Variants in NLGN4X observed in about 807,000 individuals in gnomAD.
NLGN4X encodes the protein neuroligin-4, X-linked.
Under a neutral mutation model 40.3 loss-of-function variants are expected in NLGN4X, and 3 were observed. The ratio of observed to expected loss-of-function variants is 0.07; its 90% CI spans 0.03 to 0.19. The LOEUF is 0.19. NLGN4X is among the 10% of genes least tolerant of loss of function. The probability of loss-of-function intolerance (pLI) is 1.00; values close to 1 mark genes in which losing one functional copy is unlikely to be tolerated. For synonymous variants in NLGN4X, 270 were observed against 306.8 expected (o/e 0.88, Z 1.25); for missense variants, 382 against 708.3 (o/e 0.54, Z 5.23).
chrX:6,070,090 C>A lies in NLGN4X; in HGVS notation c.473-40658G>T, dbSNP rs749294315. Among the ~76,000 whole-genome samples the A allele has an allele frequency of 6.4e-4, 71 of 111,189 alleles. 1 individual carries two copies. The highest frequency in any genetic ancestry group is 2.3e-3 in the African/African-American group (69 of 30,533). On this transcript the variant is annotated intron_variant, in intron 2 of 5. Coordinates refer to ENST00000381095, the MANE Select transcript of NLGN4X (RefSeq NM_181332.3). Reference sequence around the variant, plus strand: ...AACATACTAGTTACTGAATTTTCCACTGAAGGAAAATGATGATACACAATT... The same window carrying A: ...AACATACTAGTTACTGAATTTTCCAATGAAGGAAAATGATGATACACAATT...
intron 2 of NLGN4X, among the ~76,000 whole-genome samples, chrX:6,045,559 T>G (rs953794271): frequency 5.4e-5 from 6 of 111,574 alleles, no homozygotes; most frequent in African/African-American, 2.0e-4. Context: ...AGTAGGGTGT[T>G]TTGCTTTGTC....
chrX:6,121,995 A>G (rs745550026), intron 2 of NLGN4X, among the ~76,000 whole-genome samples: 1 of 112,796 alleles, frequency 8.9e-6, no homozygotes, highest in East Asian at 2.8e-4. Flanking sequence ...AATGAAAAGA[A>G]TCAGGCTGGC....
At chrX:6,079,234 CTG>C (rs1443823217) in intron 2 of NLGN4X, among the ~76,000 whole-genome samples, 1 of 111,873 alleles carries the variant, frequency 8.9e-6, no homozygotes, top group African/African-American at 3.3e-5. Context: ...GTTGTTAAGA[CTG>C]TGTGCAGCAT....
intron 1 of NLGN4X, among the ~76,000 whole-genome samples, chrX:6,216,964 AT>A (rs985777962): frequency 2.7e-5 from 3 of 111,093 alleles, no homozygotes; most frequent in Admixed American, 9.6e-5. Context: ...TTATTTTTAA[AT>A]TTTTTTCGTA....
At chrX:6,078,952 T>G (rs758140010) in intron 2 of NLGN4X, among the ~76,000 whole-genome samples, 1 of 111,356 alleles carries the variant, frequency 9.0e-6, no homozygotes, top group African/African-American at 3.3e-5. Flanking sequence ...TCTGATGGTT[T>G]TATATGGGGT....
At chrX:5,974,734 T>C (rs2035125333) in intron 3 of NLGN4X, among the ~76,000 whole-genome samples, 1 of 112,037 alleles carries the variant, frequency 8.9e-6, no homozygotes, top group Non-Finnish European at 1.9e-5. Flanking sequence ...AAAACACAGA[T>C]AGTACTGAAC....
At chrX:5,987,947 C>A (rs148337343) in intron 3 of NLGN4X, among the ~76,000 whole-genome samples, 3 of 111,388 alleles carry the variant, frequency 2.7e-5, no homozygotes, top group African/African-American at 9.8e-5. Flanking sequence ...TATGGTGGTG[C>A]CTAGTTGTAG....
chrX:6,004,028 G>A (rs773700225), intron 3 of NLGN4X, among the ~76,000 whole-genome samples: 7 of 112,713 alleles, frequency 6.2e-5, no homozygotes, highest in African/African-American at 2.3e-4. Flanking sequence ...CAGCCGGCTA[G>A]TTCCAGCACC....
chrX:6,096,761 C>A (rs953607900), intron 2 of NLGN4X, among the ~76,000 whole-genome samples: 3 of 111,951 alleles, frequency 2.7e-5, no homozygotes, highest in Non-Finnish European at 5.6e-5. Flanking sequence ...ACATGAGTAT[C>A]TTCTTAGCAT....
chrX:5,904,425 C>T (rs745555417), intron 4 of NLGN4X, among the ~76,000 whole-genome samples: 4 of 112,111 alleles, frequency 3.6e-5, no homozygotes, highest in South Asian at 3.7e-4. Context: ...TTAAGATTTG[C>T]CAATTAAAAT....
At chrX:6,089,903 G>T (rs1265996379) in intron 2 of NLGN4X, among the ~76,000 whole-genome samples, 1 of 111,615 alleles carries the variant, frequency 9.0e-6, no homozygotes, top group Non-Finnish European at 1.9e-5. Context: ...TATGTGAAAT[G>T]AAAAAGATAT....
At chrX:6,184,551 G>C (rs914227983) in intron 1 of NLGN4X, among the ~76,000 whole-genome samples, 3 of 107,991 alleles carry the variant, frequency 2.8e-5, no homozygotes, top group African/African-American at 1.0e-4. Context: ...GGGGGGGGTG[G>C]GGAATCTCTT....
chrX:6,196,048 C>A (rs2147843000), intron 1 of NLGN4X, among the ~76,000 whole-genome samples: 1 of 111,465 alleles, frequency 9.0e-6, no homozygotes, highest in South Asian at 3.8e-4. Context: ...CTGTATTAGC[C>A]TACCAAAGTG....
intron 4 of NLGN4X, among the ~76,000 whole-genome samples, chrX:5,907,140 T>C (rs1424397832): frequency 1.8e-5 from 2 of 111,376 alleles, no homozygotes; most frequent in Non-Finnish European, 3.8e-5. Flanking sequence ...GTGGTGCCAT[T>C]CTGAAGACCA....
At chrX:5,989,677 C>A (rs1332535847) in intron 3 of NLGN4X, among the ~76,000 whole-genome samples, 2 of 111,232 alleles carry the variant, frequency 1.8e-5, no homozygotes, top group Non-Finnish European at 3.8e-5. Flanking sequence ...AAAAATTTTC[C>A]TATTAGGTTA....
intron 2 of NLGN4X, among the ~76,000 whole-genome samples, chrX:6,077,183 TTATAC>T (rs1422074324): frequency 8.9e-6 from 1 of 111,871 alleles, no homozygotes; most frequent in African/African-American, 3.2e-5. Flanking sequence ...AGAGAGAAAT[TTATAC>T]TATGTGATTA....
intron 3 of NLGN4X, among the ~76,000 whole-genome samples, chrX:5,933,774 C>T (rs778310166): frequency 8.1e-5 from 9 of 111,340 alleles, no homozygotes; most frequent in Non-Finnish European, 1.5e-4. Flanking sequence ...TAACGTTCAA[C>T]AAACATAAAT....
chrX:6,010,313 C>A (rs1204788297), intron 3 of NLGN4X, among the ~76,000 whole-genome samples: 1 of 108,708 alleles, frequency 9.2e-6, no homozygotes, highest in Non-Finnish European at 1.9e-5. Flanking sequence ...TGCTTGTAGA[C>A]CCTCACCTTT....
intron 3 of NLGN4X, among the ~76,000 whole-genome samples, chrX:5,948,003 G>C (rs1340741397): frequency 9.0e-6 from 1 of 111,609 alleles, no homozygotes; most frequent in Admixed American, 9.6e-5. Flanking sequence ...TAGGCAGATA[G>C]AGACTGAAAA....
Sources: allele counts gnomAD v4.1 joint callset (sites outside exome capture counted in the v4.1 genomes callset), GRCh38; gene constraint gnomAD v4.1.1; transcripts MANE v1.5; gene names NCBI Gene and HGNC (gene_info 2026-07-23, HGNC 2026-07-21).